Variants in TNFSF4 observed in about 807,000 individuals in gnomAD.
TNFSF4 encodes TNF superfamily member 4, also known as tumor necrosis factor ligand superfamily member 4.
Under a neutral mutation model 7.3 loss-of-function variants are expected in TNFSF4, and 4 were observed. The ratio of observed to expected loss-of-function variants is 0.55; its 90% CI spans 0.27 to 1.25. TNFSF4 has a LOEUF of 1.25. Ranked by LOEUF, TNFSF4 falls within the 50% of genes most tolerant of loss-of-function variation. The probability of loss-of-function intolerance (pLI) is 0.12; values close to 1 mark genes in which losing one functional copy is unlikely to be tolerated. For synonymous variants in TNFSF4, 76 were observed against 83.7 expected, an observed-to-expected ratio of 0.91 and a Z score of 0.50; for missense variants, 181 against 208.8, an observed-to-expected ratio of 0.87 and a Z score of 0.82.
the TNFSF4 span, among the ~76,000 whole-genome samples, chr1:173,284,702 T>C: frequency 6.6e-6 from 1 of 152,170 alleles, no homozygotes; most frequent in South Asian, 2.1e-4. Flanking sequence ...CTACTCTCCA[T>C]GTGCTCTATA....
At chr1:173,382,874 TCACACA>T in the TNFSF4 span, among the ~76,000 whole-genome samples, 33 of 91,276 alleles carry the variant, frequency 3.6e-4, no homozygotes, top group Middle Eastern at 0.011. Context: ...TTTACTGTTT[TCACACA>T]CACACACACA....
the TNFSF4 span, among the ~76,000 whole-genome samples, chr1:173,416,608 T>TTTTTTTTTTTTATTTATTTATTTATTTA: frequency 4.1e-5 from 5 of 121,984 alleles, no homozygotes; most frequent in East Asian, 1.2e-3. Flanking sequence ...ATTTTTTTAT[T>TTTTTTTTTTTTATTTATTTATTTATTTA]TTTATTTATT....
At chr1:173,380,536 T>A in the TNFSF4 span, among the ~76,000 whole-genome samples, 1 of 151,944 alleles carries the variant, frequency 6.6e-6, no homozygotes, top group African/African-American at 2.4e-5. Context: ...AAAATCATCA[T>A]CTCCTCCCTG....
the TNFSF4 span, among the ~76,000 whole-genome samples, chr1:173,257,212 TTG>T: frequency 2.0e-5 from 3 of 152,368 alleles, no homozygotes; most frequent in South Asian, 6.2e-4. Context: ...TGACTCCATA[TTG>T]TATGATGCGG....
At chr1:173,179,386 C>A (rs912411372), downstream of TNFSF4, among the ~76,000 whole-genome samples, 4 of 152,156 alleles carry the variant, frequency 2.6e-5, no homozygotes, top group Non-Finnish European at 5.9e-5. Context: ...TTCTAAATCT[C>A]ATGCGAACTT....
chr1:173,230,612 C>T, the TNFSF4 span, among the ~76,000 whole-genome samples: 6 of 151,868 alleles, frequency 4.0e-5, no homozygotes, highest in African/African-American at 1.5e-4. Context: ...AGACACAACA[C>T]CCTTCAAAAA....
At chr1:173,352,077 C>T in the TNFSF4 span, 2 of 297,010 alleles carry the variant, frequency 6.7e-6, no homozygotes, top group Non-Finnish European at 1.2e-5. Context: ...CTCATGGTGG[C>T]CATTGAGTTT....
chr1:173,201,410 G>A (rs1310331972), intron 1 of TNFSF4, among the ~76,000 whole-genome samples: 1 of 152,148 alleles, frequency 6.6e-6, no homozygotes, highest in African/African-American at 2.4e-5. Flanking sequence ...TCTGAGATTT[G>A]AGTTACAGTG....
chr1:173,378,870 AC>A, the TNFSF4 span, among the ~76,000 whole-genome samples: 1 of 147,248 alleles, frequency 6.8e-6, no homozygotes, highest in Admixed American at 6.7e-5. Context: ...GACCACAAGA[AC>A]CCCCCTCCCC....
the TNFSF4 span, among the ~76,000 whole-genome samples, chr1:173,340,868 G>A: frequency 6.6e-6 from 1 of 152,086 alleles, no homozygotes; most frequent in South Asian, 2.1e-4. Flanking sequence ...GATATGGTTT[G>A]GCTGTGTCTT....
the TNFSF4 span, chr1:173,440,793 A>G: frequency 2.6e-5 from 4 of 152,242 alleles, no homozygotes; most frequent in African/African-American, 9.6e-5. Flanking sequence ...ATATCTAGAC[A>G]TTATGAAATG....
chr1:173,210,211 A>G (rs1056081021), upstream of TNFSF4, among the ~76,000 whole-genome samples: 1 of 152,200 alleles, frequency 6.6e-6, no homozygotes, highest in African/African-American at 2.4e-5. Context: ...AAAGACACAA[A>G]CAAAACACAT....
intron 1 of TNFSF4, chr1:173,205,514 T>C: frequency 7.1e-7 from 1 of 1,402,868 alleles, no homozygotes; most frequent in Non-Finnish European, 9.3e-7. Flanking sequence ...TCAGAGCCGT[T>C]GTGCAATCAG....
chr1:173,178,871 T>A (rs577617453), downstream of TNFSF4, among the ~76,000 whole-genome samples: 26 of 152,198 alleles, frequency 1.7e-4, no homozygotes, highest in Admixed American at 3.9e-4. Flanking sequence ...TGTAACCATT[T>A]TTTATAAGAG....
the TNFSF4 span, among the ~76,000 whole-genome samples, chr1:173,417,264 C>T: frequency 6.6e-5 from 10 of 152,160 alleles, no homozygotes; most frequent in African/African-American, 1.9e-4. Flanking sequence ...TCCTAGCTTC[C>T]TTATCTGGGA....
the TNFSF4 span, among the ~76,000 whole-genome samples, chr1:173,232,407 T>C: frequency 6.6e-6 from 1 of 152,226 alleles, no homozygotes; most frequent in Admixed American, 6.5e-5. Context: ...AATCATGTCA[T>C]CTGCAAACAG....
At chr1:173,428,567 TATGAG>T in the TNFSF4 span, among the ~76,000 whole-genome samples, 1 of 152,268 alleles carries the variant, frequency 6.6e-6, no homozygotes, top group Admixed American at 6.5e-5. Flanking sequence ...CATATGCATT[TATGAG>T]ATAATTATAA....
In TNFSF4 at chr1:173,188,541, C is replaced by T; in HGVS notation, c.182G>A (p.Ser61Asn). The change falls in exon 2 of 3, where the codon AGT becomes AAT. Residue 61 changes from serine (S) to asparagine (N), a missense_variant. Coordinates refer to ENST00000281834, the MANE Select transcript of TNFSF4 (RefSeq NM_003326.5). Reference sequence around the variant, plus strand: ...CTTACCGGTAAATTGTACTTTGATACTTTGAATTCGAGGATACCGATGTGA... The same window carrying T: ...CTTACCGGTAAATTGTACTTTGATATTTTGAATTCGAGGATACCGATGTGA... ...QVSHRYPRIQ[S>N]IKVQFTEYKK... is the part of the protein sequence containing the mutation. 1 of 1,612,202 alleles carries T rather than the reference C, an allele frequency of 6.2e-7. No homozygotes were observed. The highest frequency in any genetic ancestry group is 1.1e-5 in the South Asian group (1 of 90,878).
At chr1:173,316,600 A>G in the TNFSF4 span, among the ~76,000 whole-genome samples, 453 of 152,220 alleles carry the variant, frequency 3.0e-3, 6 homozygotes, top group African/African-American at 0.01. Flanking sequence ...GTATGCATCA[A>G]TGTTTCTCAA....
Sources: allele counts gnomAD v4.1 joint callset (sites outside exome capture counted in the v4.1 genomes callset), GRCh38; gene constraint gnomAD v4.1.1; transcripts MANE v1.5; gene names NCBI Gene and HGNC (gene_info 2026-07-23, HGNC 2026-07-21).